Variants in SMARCC2 observed in about 807,000 individuals in gnomAD.
SMARCC2 encodes the protein SWI/SNF complex subunit SMARCC2.
A neutral mutation model predicts 151.3 loss-of-function variants in SMARCC2; 15 were observed. The ratio of observed to expected loss-of-function variants is 0.10; its 90% CI spans 0.07 to 0.15. The LOEUF (loss-of-function observed/expected upper bound fraction) is 0.15, where lower values mean the gene tolerates loss of function less well. Among genes scored for constraint, SMARCC2 ranks in the 10% least tolerant of loss-of-function variants. SMARCC2 has a pLI of 1.00. For missense variants in SMARCC2, 1,031 were observed against 1,599.7 expected (o/e 0.64, Z 6.06); for synonymous variants, 590 against 609.5 (o/e 0.97, Z 0.47).
Position 56,180,539 on chromosome 12 carries a change from G to C in SMARCC2, c.1081+438C>G, listed in dbSNP as rs555813246. 3.6e-4 allele frequency among the ~76,000 whole-genome samples: 55 copies of C among 151,896 alleles called. No individual in the cohort carries two copies. In the South Asian group the frequency reaches 0.011, roughly 32 times the overall value. On this transcript the variant is annotated intron_variant, in intron 11 of 28. Coordinates refer to ENST00000550164, the MANE Select transcript of SMARCC2 (RefSeq NM_001330288.2). Reference sequence around the variant, plus strand: ...CTGCCTCGGTCTCCCGAGTAGCTGGGATTACAGGTGCCCACCACCACGCCC... The same window carrying C: ...CTGCCTCGGTCTCCCGAGTAGCTGGCATTACAGGTGCCCACCACCACGCCC...
In SMARCC2 at chr12:56,184,837, C is replaced by A; in HGVS notation, c.492+7G>T. On this transcript the variant is annotated splice_region_variant and intron_variant, in intron 5 of 28. Transcript: ENST00000550164. ...TTTCTGAAACCTCTCCTCACCAGAC[C>A]ATTTACCTGGTGTCTCTTGATAATG... is the stretch of plus-strand genomic sequence containing the variant. 6.5e-7 allele frequency: 1 copy of A among 1,547,832 alleles called. No homozygotes were observed. Among genetic ancestry groups the A allele is most frequent in the South Asian group, 1.1e-5 (1 of 89,708 alleles).
At chr12:56,185,197 G>A in intron 3 of SMARCC2, 86 bp from the exon 4 acceptor site, 1 of 1,062,086 alleles carries the variant, frequency 9.4e-7, no homozygotes, top group Admixed American at 1.8e-5. Flanking sequence ...TTTGTTTTTT[G>A]AGATGGAGTC....
chr12:56,184,599 G>A lies in SMARCC2; in HGVS notation c.492+245C>T, dbSNP rs528326944. On this transcript the variant is annotated intron_variant, in intron 5 of 28. Coordinates refer to ENST00000550164, the MANE Select transcript of SMARCC2 (RefSeq NM_001330288.2). ...TCACGCAATCTCTAGCTCAGTAGAA[G>A]TGGATACTATTTTTCCCCAGGCCAA... 2.0e-5 allele frequency: 11 copies of A among 553,978 alleles called. No individual in the cohort carries two copies. In the South Asian group the frequency reaches 2.0e-4, roughly 10 times the overall value. 34.3% of individuals were successfully genotyped at this position (553,978 alleles called of 1,614,324 possible).
At chr12:56,183,263 T>C (rs924740841) in intron 7 of SMARCC2, 1 of 152,492 alleles carries the variant, frequency 6.6e-6, no homozygotes, top group African/African-American at 2.4e-5. Context: ...CAAGCGATTA[T>C]CCTGCTTCTC....
Position 56,184,089 on chromosome 12 carries a change from G to C in SMARCC2, c.562+86C>G, listed in dbSNP as rs1232446878. 4.6e-5 allele frequency: 51 copies of C among 1,102,688 alleles called. No individual in the cohort carries two copies. In the Admixed American group the frequency reaches 9.3e-4, roughly 20 times the overall value. 68.3% of individuals were successfully genotyped at this position (1,102,688 alleles called of 1,614,324 possible). A position where few individuals can be genotyped will look rare whatever the true frequency, so the allele number is the denominator to read the frequency against. ...GGATTCAAGATTGAAAGAAGAGGAG[G>C]AGCCCAGGTACTGAATGGTGATCTT... On this transcript the variant is annotated intron_variant, in intron 6 of 28. Transcript: ENST00000550164.
chr12:56,188,628 T>G (rs1172520070), intron 1 of SMARCC2, among the ~76,000 whole-genome samples: 1 of 152,134 alleles, frequency 6.6e-6, no homozygotes, highest in Non-Finnish European at 1.5e-5. Flanking sequence ...GGGCTAGAGA[T>G]AGGAAGCTCA....
At chr12:56,170,123 C>T (rs774765628) in intron 23 of SMARCC2, 21 bp downstream of exon 23, 2 of 1,607,006 alleles carry the variant, frequency 1.2e-6, no homozygotes, top group Non-Finnish European at 1.7e-6. Context: ...GCCCCTGCAG[C>T]TTCCAGAAAT....
intron 28 of SMARCC2, 46 bp from the exon 29 acceptor site, chr12:56,163,811 T>C (rs752208708): frequency 1.5e-6 from 2 of 1,317,502 alleles, no homozygotes; most frequent in South Asian, 1.5e-5. Flanking sequence ...GCCGGAGAGA[T>C]GGCTCCAGAC....
At chr12:56,174,544 T>A (rs1874565568) in intron 16 of SMARCC2, 107 bp downstream of exon 16, 6 of 730,006 alleles carry the variant, frequency 8.2e-6, no homozygotes, top group Non-Finnish European at 7.3e-6. Flanking sequence ...GAGGTGCTTT[T>A]TTCTGTCTGC....
At chr12:56,167,457 T>C (rs11834728) in intron 26 of SMARCC2, among the ~76,000 whole-genome samples, 14,828 of 152,254 alleles carry the variant, frequency 0.097, 2,366 homozygotes, top group African/African-American at 0.34. Context: ...TCTGCCTCAG[T>C]GTACCAAAGT....
chr12:56,165,328 AG>A lies in SMARCC2; in HGVS notation c.3221del (p.Pro1074LeufsTer18), dbSNP rs752001894. The A allele has an allele frequency of 1.0e-4, 150 of 1,489,374 alleles. No individual in the cohort carries two copies. The highest frequency in any genetic ancestry group is 2.7e-4 in the South Asian group (19 of 71,580). The allele number at this position is 1,489,374 out of a possible 1,614,324, so 92.3% of individuals were successfully genotyped here. ...PGAVPPGVPP[P>X]GPHGPSPFPN... is the part of the protein sequence containing the mutation. ...GAACATAACACTTACCATGGGGTCC[AG>A]GGGGGGGAACCCCTGGTGGGACTGC... On this transcript the variant is annotated frameshift_variant, in exon 27 of 29. Coordinates refer to ENST00000550164, the MANE Select transcript of SMARCC2 (RefSeq NM_001330288.2). LOFTEE classifies it high-confidence loss of function.
At chr12:56,182,213 A>G in intron 7 of SMARCC2, 134 bp from the exon 8 acceptor site, 1 of 592,042 alleles carries the variant, frequency 1.7e-6, no homozygotes, top group Non-Finnish European at 3.0e-6. Context: ...TCTATTCATT[A>G]TAAAGTAGTA....
At chr12:56,169,040 T>C (rs1270154390) in intron 25 of SMARCC2, among the ~76,000 whole-genome samples, 1 of 152,078 alleles carries the variant, frequency 6.6e-6, no homozygotes, top group Non-Finnish European at 1.5e-5. Context: ...ACGCCTGTAA[T>C]TCCAGCAGTT....
intron 15 of SMARCC2, among the ~76,000 whole-genome samples, chr12:56,177,593 A>G (rs990770566): frequency 2.0e-5 from 3 of 152,148 alleles, no homozygotes; most frequent in Non-Finnish European, 4.4e-5. Context: ...TAATTTATAT[A>G]AACTGGTCTT....
chr12:56,169,425 G>A (rs1199095419), intron 25 of SMARCC2, 104 bp downstream of exon 25: 1 of 1,340,568 alleles, frequency 7.5e-7, no homozygotes, highest in East Asian at 2.3e-5. Flanking sequence ...AAATAAATAG[G>A]TCAGCATTAT....
At position 56,171,474 on chromosome 12, in the gene SMARCC2, G is replaced by C; in HGVS notation, c.2186-42C>G. 1.2e-6 allele frequency: 2 copies of C among 1,612,088 alleles called. No individual in the cohort carries two copies. Among genetic ancestry groups the C allele is most frequent in the Middle Eastern group, 1.7e-4 (1 of 6,058 alleles). On this transcript the variant is annotated intron_variant, in intron 21 of 28. Coordinates refer to ENST00000550164, the MANE Select transcript of SMARCC2 (RefSeq NM_001330288.2). The surrounding 1 kb of genome is among the most constrained non-coding windows in gnomAD (Gnocchi z 4.2). ...GAATGAGGCTGGGAGCGGCACAGTG[G>C]AACAGTTCTGGCAATCCCTGCAAAA...
Position 56,172,612 on chromosome 12 carries a change from C to T in SMARCC2, c.1836G>A (p.Met612Ile), listed in dbSNP as rs765361561. Residue 612 changes from methionine to isoleucine, a missense_variant, in exon 19 of 29, where the codon ATG becomes ATA. Coordinates refer to ENST00000550164, the MANE Select transcript of SMARCC2 (RefSeq NM_001330288.2). ...TGGAGGGAACATTCTTTTTTGTGTA[C>T]ATGTCTGTGCGCAGCCCAAAGTTTT... Reference protein sequence around the residue: ...DMQNFGLRTDMYTKKNVPSKS... With the variant: ...DMQNFGLRTDIYTKKNVPSKS... The T allele has an allele frequency of 1.9e-6, 3 of 1,614,082 alleles. No homozygotes were observed. Among genetic ancestry groups the T allele is most frequent in the African/African-American group, 1.3e-5 (1 of 74,930 alleles).
intron 2 of SMARCC2, 111 bp from the exon 3 acceptor site, chr12:56,186,351 T>C: frequency 3.6e-6 from 1 of 278,388 alleles, no homozygotes; most frequent in Non-Finnish European, 6.5e-6. Flanking sequence ...TGATCTCCCT[T>C]TTTTTTTTTT....
chr12:56,185,386 T>A (rs561801759), intron 3 of SMARCC2: 14 of 370,382 alleles, frequency 3.8e-5, no homozygotes, highest in Non-Finnish European at 5.7e-5. Context: ...TTTCACCATA[T>A]TGGTCAAACT....
Sources: allele counts gnomAD v4.1 joint callset (sites outside exome capture counted in the v4.1 genomes callset), GRCh38; gene constraint gnomAD v4.1.1; non-coding constraint Gnocchi (gnomAD v3.1); transcripts MANE v1.5; gene names NCBI Gene and HGNC (gene_info 2026-07-23, HGNC 2026-07-21).